The following DGKB variants were observed in gnomAD, a reference collection of about 807,000 sequenced individuals.
DGKB encodes diacylglycerol kinase beta, also known as 90 kDa diacylglycerol kinase.
DGKB carries 67 observed loss-of-function variants against 114.3 expected under a neutral mutation model. The ratio of observed to expected loss-of-function variants is 0.59; its 90% CI spans 0.48 to 0.72. The LOEUF (loss-of-function observed/expected upper bound fraction) is 0.72, where lower values mean the gene tolerates loss of function less well. DGKB is among the 30% of genes least tolerant of loss of function. The pLI, the probability that DGKB is intolerant of heterozygous loss-of-function variation, is 0.00. For missense variants in DGKB, 907 were observed against 975.2 expected, an observed-to-expected ratio of 0.93 and a Z score of 0.93; for synonymous variants, 398 against 323.1, an observed-to-expected ratio of 1.23 and a Z score of -2.49.
At chr7:14,468,235 A>G (rs1780767117) in intron 21 of DGKB, among the ~76,000 whole-genome samples, 1 of 152,110 alleles carries the variant, frequency 6.6e-6, no homozygotes. Context: ...AGAAAATTCT[A>G]TCATTGATAT....
intron 20 of DGKB, among the ~76,000 whole-genome samples, chr7:14,553,868 T>C (rs1240537013): frequency 2.6e-5 from 3 of 114,260 alleles, no homozygotes; most frequent in Non-Finnish European, 3.7e-5. Flanking sequence ...TTACATGCTT[T>C]TTTTTTTTTT....
intron 2 of DGKB, among the ~76,000 whole-genome samples, chr7:14,768,552 C>G (rs765657308): frequency 1.4e-4 from 21 of 151,872 alleles, no homozygotes; most frequent in Non-Finnish European, 2.7e-4. Flanking sequence ...ATCAAATTCC[C>G]CAATGGTATC....
chr7:14,504,362 T>C (rs1056101408), intron 20 of DGKB, among the ~76,000 whole-genome samples: 6 of 152,110 alleles, frequency 3.9e-5, no homozygotes, highest in Non-Finnish European at 5.9e-5. Context: ...GCTAGGACAA[T>C]CAGCTGGAGT....
chr7:14,176,694 GAC>G, intron 25 of DGKB, 143 bp downstream of exon 25: 1 of 1,480,084 alleles, frequency 6.8e-7, no homozygotes, highest in African/African-American at 1.4e-5. Context: ...TAGTGGCTCT[GAC>G]ACACACATAA....
intron 23 of DGKB, among the ~76,000 whole-genome samples, chr7:14,321,972 A>G (rs944758629): frequency 6.5e-4 from 99 of 152,344 alleles, no homozygotes; most frequent in African/African-American, 2.1e-3. Context: ...ATGTAATTTT[A>G]TTCAAAATCC....
intron 21 of DGKB, among the ~76,000 whole-genome samples, chr7:14,449,550 TA>T: frequency 6.6e-6 from 1 of 152,014 alleles, no homozygotes; most frequent in East Asian, 1.9e-4. Context: ...CAAAAACTCC[TA>T]AAAAACCATC....
intron 23 of DGKB, among the ~76,000 whole-genome samples, chr7:14,329,145 A>G (rs993319047): frequency 6.6e-6 from 1 of 151,952 alleles, no homozygotes; most frequent in Non-Finnish European, 1.5e-5. Flanking sequence ...TGGAACTCCA[A>G]TGGCTAGTTG....
chr7:14,186,452 CAG>C lies in DGKB; in HGVS notation c.2123-8303_2123-8302del, dbSNP rs530353582. 2.4e-3 allele frequency among the ~76,000 whole-genome samples: 358 copies of C among 152,278 alleles called. 1 individual carries two copies. The highest frequency in any genetic ancestry group is 8.4e-3 in the African/African-American group (351 of 41,568). On this transcript the variant is annotated intron_variant, in intron 23 of 25. Coordinates refer to ENST00000402815, the MANE Select transcript of DGKB (RefSeq NM_001350709.2). Reference sequence around the variant, plus strand: ...AACTAGCACAGCCACTATAAAAAAACAGTGTGGAGATTCCTTAAAGAACTAAA... The same window carrying C: ...AACTAGCACAGCCACTATAAAAAAACTGTGGAGATTCCTTAAAGAACTAAA...
At chr7:14,286,514 G>A (rs1050007724) in intron 23 of DGKB, among the ~76,000 whole-genome samples, 1 of 152,080 alleles carries the variant, frequency 6.6e-6, no homozygotes, top group Non-Finnish European at 1.5e-5. Context: ...TTTTAAAATG[G>A]GAAATATGTC....
intron 25 of DGKB, among the ~76,000 whole-genome samples, chr7:14,169,131 T>G (rs1482232068): frequency 6.6e-6 from 1 of 151,032 alleles, no homozygotes; most frequent in African/African-American, 2.4e-5. Flanking sequence ...AGGCCGAGGC[T>G]TGTGGATCAC....
chr7:14,466,864 G>A (rs1780557839), intron 21 of DGKB, among the ~76,000 whole-genome samples: 1 of 152,032 alleles, frequency 6.6e-6, no homozygotes, highest in Non-Finnish European at 1.5e-5. Context: ...ATATAGAGAG[G>A]CTAGATGGAT....
chr7:14,928,657 T>C (rs1562882515), intron 1 of DGKB, among the ~76,000 whole-genome samples: 1 of 151,942 alleles, frequency 6.6e-6, no homozygotes, highest in African/African-American at 2.4e-5. Context: ...GTTCATTTTT[T>C]ATTTATTTTA....
chr7:14,670,001 A>C (rs1327811281), intron 13 of DGKB, among the ~76,000 whole-genome samples: 1 of 152,090 alleles, frequency 6.6e-6, no homozygotes, highest in African/African-American at 2.4e-5. Context: ...CCCACCTTAC[A>C]AAATCCACTG....
intron 13 of DGKB, among the ~76,000 whole-genome samples, chr7:14,658,514 G>C (rs1816321902): frequency 6.6e-6 from 1 of 151,784 alleles, no homozygotes; most frequent in Non-Finnish European, 1.5e-5. Flanking sequence ...TTCAATAGTA[G>C]AGTAGAATGA....
intron 16 of DGKB, among the ~76,000 whole-genome samples, 195 bp from the exon 17 acceptor site, chr7:14,607,703 A>G (rs895852818): frequency 1.1e-4 from 16 of 151,982 alleles, no homozygotes; most frequent in Non-Finnish European, 2.9e-5. Flanking sequence ...GTTTTTTAAA[A>G]GGCTTAGTAG....
chr7:14,446,993 A>G (rs538458782), intron 21 of DGKB, among the ~76,000 whole-genome samples: 2 of 152,280 alleles, frequency 1.3e-5, no homozygotes, highest in South Asian at 4.1e-4. Context: ...CAACTTAGGC[A>G]CAGGCACAAT....
At chr7:14,852,487 C>CAAAAAAAAAAACAACAACAACA in intron 1 of DGKB, among the ~76,000 whole-genome samples, 1 of 63,618 alleles carries the variant, frequency 1.6e-5, no homozygotes, top group African/African-American at 6.7e-5. Context: ...TAGTGAAAGT[C>CAAAAAAAAAAACAACAACAACA]AAAAAAAAAA....
intron 20 of DGKB, among the ~76,000 whole-genome samples, chr7:14,488,743 G>A (rs935245347): frequency 3.8e-4 from 58 of 150,686 alleles, no homozygotes; most frequent in African/African-American, 1.3e-3. Flanking sequence ...CAGGAGAATC[G>A]CTTGAACTCA....
intron 21 of DGKB, among the ~76,000 whole-genome samples, chr7:14,384,597 G>A (rs1205926002): frequency 6.6e-6 from 1 of 152,190 alleles, no homozygotes; most frequent in East Asian, 1.9e-4. Context: ...CACCTGAAAA[G>A]TTGCTTAATA....
Sources: allele counts gnomAD v4.1 joint callset (sites outside exome capture counted in the v4.1 genomes callset), GRCh38; gene constraint gnomAD v4.1.1; transcripts MANE v1.5; gene names NCBI Gene and HGNC (gene_info 2026-07-23, HGNC 2026-07-21).